Variants in R3HCC1 observed in about 807,000 individuals in gnomAD.
R3HCC1 encodes the protein R3H and coiled-coil domain-containing protein 1.
Under a neutral mutation model 40.0 loss-of-function variants are expected in R3HCC1, and 32 were observed. That is an observed-to-expected ratio of 0.80 (90% CI 0.60 to 1.07). The LOEUF (loss-of-function observed/expected upper bound fraction) is 1.07, where lower values mean the gene tolerates loss of function less well. Among genes scored for constraint, R3HCC1 ranks in the 50% least tolerant of loss-of-function variants. R3HCC1 has a pLI of 0.00. For synonymous variants in R3HCC1, 237 were observed against 232.8 expected (o/e 1.02, Z -0.17); for missense variants, 586 against 563.3 (o/e 1.04, Z -0.41).
At position 23,288,574 on chromosome 8, in the gene R3HCC1, C is replaced by T. The variant is rs139214222; in HGVS notation, c.51C>T (p.Asp17=). 2,480 of 1,535,988 alleles carry T rather than the reference C, an allele frequency of 1.6e-3. 32 individuals carry two copies. In the African/African-American group the frequency reaches 0.029, roughly 18 times the overall value. ...TCTTCCTCTCCTCAGCCGAGAATGA[C>T]TTCGTCCACCGGATCCAGGAGGAAC... Residue 17 remains aspartate, a synonymous_variant, in exon 2 of 8, where the codon GAC becomes GAT. Coordinates refer to ENST00000265806, the MANE Select transcript of R3HCC1 (RefSeq NM_001136108.3).
chr8:23,292,441 T>A (rs1392010877), intron 5 of R3HCC1, among the ~76,000 whole-genome samples: 1 of 152,102 alleles, frequency 6.6e-6, no homozygotes, highest in Non-Finnish European at 1.5e-5. Context: ...TGCCTGTCTC[T>A]ACTAAAAATA....
intron 7 of R3HCC1, chr8:23,295,713 C>T (rs2117129752): frequency 1.8e-6 from 1 of 567,838 alleles, no homozygotes; most frequent in East Asian, 3.0e-5. Flanking sequence ...ACCCCTCAGC[C>T]CCCTCACTGT....
At chr8:23,292,789 C>T (rs1008290921) in intron 5 of R3HCC1, among the ~76,000 whole-genome samples, 7 of 152,170 alleles carry the variant, frequency 4.6e-5, no homozygotes, top group Non-Finnish European at 1.0e-4. Context: ...AGGCTGGGGC[C>T]GCTGTGCCTT....
At chr8:23,291,745 C>G (rs982558778) in intron 5 of R3HCC1, among the ~76,000 whole-genome samples, 1 of 152,272 alleles carries the variant, frequency 6.6e-6, no homozygotes, top group African/African-American at 2.4e-5. Context: ...TGTAGACACA[C>G]CCTGCAGGCC....
chr8:23,288,627 T>G lies in R3HCC1; in HGVS notation c.104T>G (p.Leu35Arg), dbSNP rs2117118076. 6.5e-7 allele frequency: 1 copy of G among 1,535,988 alleles called. No individual in the cohort carries two copies. Among genetic ancestry groups the G allele is most frequent in the East Asian group, 2.4e-5 (1 of 40,896 alleles). The change falls in exon 2 of 8, where the codon CTG becomes CGG. Residue 35 changes from leucine to arginine, a missense_variant. Transcript: ENST00000265806. ...GACCGCTTTCTGCTGCAGAAGCAGC[T>G]GTCAAAGTAGGCTCATGTGAGGGGC...
intron 7 of R3HCC1, chr8:23,295,485 G>A (rs1802987198): frequency 8.7e-6 from 4 of 457,678 alleles, no homozygotes; most frequent in South Asian, 6.2e-5. Flanking sequence ...TTTTAGACAC[G>A]AGTTTTCCAT....
At chr8:23,290,875 G>A (rs1012686512) in intron 4 of R3HCC1, 21 of 231,922 alleles carry the variant, frequency 9.1e-5, no homozygotes, top group Admixed American at 3.1e-4. Flanking sequence ...GGGACCGTGC[G>A]ACTGCCCCTG....
At chr8:23,294,574 G>A (rs1256441058) in intron 6 of R3HCC1, among the ~76,000 whole-genome samples, 195 bp from the exon 7 acceptor site, 2 of 152,216 alleles carry the variant, frequency 1.3e-5, no homozygotes, top group African/African-American at 4.8e-5. Flanking sequence ...AGGTGTCCCT[G>A]TGCGGGCCTG....
rs578135668 is a variant in R3HCC1, at chr8:23,290,523, C to T, written c.852+54C>T. The stretch of plus-strand genomic sequence containing the variant: ...AGGGCGGAGGTGAGGTGGGTGTGGC[C>T]GTGGGTGGATGGGGACCAAGGGTTA... On this transcript the variant is annotated intron_variant, in intron 4 of 7. Coordinates refer to ENST00000265806, the MANE Select transcript of R3HCC1 (RefSeq NM_001136108.3). 599 of 1,502,150 alleles carry T rather than the reference C, an allele frequency of 4.0e-4. 4 individuals carry two copies. In the South Asian group the frequency reaches 7.4e-3, roughly 19 times the overall value. The allele number at this position is 1,502,150 out of a possible 1,614,324, so 93.1% of individuals were successfully genotyped here. A position where few individuals can be genotyped will look rare whatever the true frequency, so the allele number is the denominator to read the frequency against.
At chr8:23,294,973 CTG>C (rs1272332641) in intron 7 of R3HCC1, 109 bp downstream of exon 7, 2 of 820,648 alleles carry the variant, frequency 2.4e-6, no homozygotes, top group African/African-American at 1.7e-5. Flanking sequence ...GTCTTCCCCT[CTG>C]TTAATTCTTC....
chr8:23,294,335 C>T (rs1482520772), intron 6 of R3HCC1, among the ~76,000 whole-genome samples: 2 of 152,224 alleles, frequency 1.3e-5, no homozygotes, highest in Non-Finnish European at 2.9e-5. Flanking sequence ...TGAAGCCTCT[C>T]CCAGCTCTGC....
rs766098151 is a variant in R3HCC1, at chr8:23,290,419, G to A, written c.802G>A (p.Asp268Asn). ...AGAGGACGAAGAGGAGGTGGAAGAG[G>A]ATGGCCCCAGCAGCTGCTCGGAGGA... is the stretch of plus-strand genomic sequence containing the variant. The change falls in exon 4 of 8, where the codon GAT (aspartate) becomes AAT (asparagine). Residue 268 changes from aspartate (D) to asparagine (N), a missense_variant. Transcript: ENST00000265806. 53 of 1,551,492 alleles carry A rather than the reference G, an allele frequency of 3.4e-5. No homozygotes were observed. In the South Asian group the frequency reaches 5.6e-4, roughly 16 times the overall value.
intron 3 of R3HCC1, among the ~76,000 whole-genome samples, chr8:23,289,449 G>GC (rs1168814573): frequency 2.6e-5 from 4 of 152,220 alleles, no homozygotes; most frequent in African/African-American, 4.8e-5. Context: ...CTCTCAGTGA[G>GC]CTTGTGTCCC....
At chr8:23,291,124 G>C (rs184682225) in intron 4 of R3HCC1, 76 of 428,270 alleles carry the variant, frequency 1.8e-4, no homozygotes, top group Admixed American at 3.6e-4. Flanking sequence ...GGATTCTATG[G>C]AACATTATGT....
At chr8:23,289,549 T>C (rs1270498070) in intron 3 of R3HCC1, among the ~76,000 whole-genome samples, 2 of 152,152 alleles carry the variant, frequency 1.3e-5, no homozygotes, top group Non-Finnish European at 2.9e-5. Context: ...ACTGTGATCC[T>C]AGTGTTTGAA....
At position 23,294,786 on chromosome 8, in the gene R3HCC1, C is replaced by T. The variant is rs1168676375; in HGVS notation, c.1114C>T (p.Arg372Trp). ...TTCCACAGCTGCGGAAGCCCTGACC[C>T]GGGAGTTCTCGGTGCTCAAGATCCG... Residue 372 changes from arginine (R) to tryptophan (W), a missense_variant, in exon 7 of 8, where the codon CGG becomes TGG. Arg to Trp is a moderately radical substitution (Grantham distance 101). Coordinates refer to ENST00000265806, the MANE Select transcript of R3HCC1 (RefSeq NM_001136108.3). 15 of 1,551,102 alleles carry T rather than the reference C, an allele frequency of 9.7e-6. No individual in the cohort carries two copies. Among genetic ancestry groups the T allele is most frequent in the African/African-American group, 5.5e-5 (4 of 72,980 alleles).
chr8:23,288,969 G>A (rs1222531679), intron 2 of R3HCC1, 47 bp from the exon 3 acceptor site: 2 of 1,532,248 alleles, frequency 1.3e-6, no homozygotes, highest in Non-Finnish European at 1.7e-6. Context: ...CCTGGTAGGG[G>A]CCAGGCCCTG....
intron 7 of R3HCC1, among the ~76,000 whole-genome samples, chr8:23,295,231 G>A (rs1324319736): frequency 1.3e-5 from 2 of 152,172 alleles, no homozygotes; most frequent in Non-Finnish European, 2.9e-5. Context: ...CCTGGGCTTT[G>A]GGGTCCGCTC....
chr8:23,291,425 TC>T lies in R3HCC1; in HGVS notation c.918del (p.Phe306LeufsTer15). The T allele has an allele frequency of 1.3e-6, 2 of 1,551,720 alleles. No individual in the cohort carries two copies. Among genetic ancestry groups the T allele is most frequent in the Non-Finnish European group, 1.7e-6 (2 of 1,146,934 alleles). On this transcript the variant is annotated frameshift_variant, in exon 5 of 8. Coordinates refer to ENST00000265806, the MANE Select transcript of R3HCC1 (RefSeq NM_001136108.3). LOFTEE classifies it high-confidence loss of function. ...AAGATCCATTTGGACACATCCTCCT[TC>T]GTGGAGGAGCTGCCTGGAGAGAAGG... is the stretch of plus-strand genomic sequence containing the variant.
Sources: gnomAD v4.1 joint callset for allele counts (sites outside exome capture counted in the v4.1 genomes callset) on GRCh38, gnomAD v4.1.1 for gene constraint, MANE v1.5 for transcripts, NCBI Gene and HGNC (gene_info 2026-07-23, HGNC 2026-07-21) for gene names.